The following NALF1 variants were observed in gnomAD, a reference collection of about 807,000 sequenced individuals.
NALF1 encodes family with sequence similarity 155 member A.
NALF1 carries 3 observed loss-of-function variants against 48.4 expected under a neutral mutation model. The observed-to-expected ratio is 0.06, with a 90% confidence interval of 0.03 to 0.16. The LOEUF (loss-of-function observed/expected upper bound fraction) is 0.16. Among genes scored for constraint, NALF1 ranks in the 10% least tolerant of loss-of-function variants. The pLI is 1.00. For missense variants in NALF1, 526 were observed against 571.5 expected, an observed-to-expected ratio of 0.92 and a Z score of 0.81; for synonymous variants, 262 against 245.7, an observed-to-expected ratio of 1.07 and a Z score of -0.62.
intron 1 of NALF1, among the ~76,000 whole-genome samples, chr13:107,616,894 G>C (rs565425756): frequency 6.6e-6 from 1 of 152,136 alleles, no homozygotes; most frequent in Non-Finnish European, 1.5e-5. Flanking sequence ...TCTGTGGATT[G>C]AAATGCAGAA....
At chr13:107,781,682 T>C (rs1386336956) in intron 1 of NALF1, among the ~76,000 whole-genome samples, 1 of 151,848 alleles carries the variant, frequency 6.6e-6, no homozygotes, top group Admixed American at 6.6e-5. Context: ...CCTCAGGATC[T>C]CTTCTTTGCA....
At chr13:107,613,827 T>G (rs1420145779) in intron 1 of NALF1, among the ~76,000 whole-genome samples, 1 of 152,230 alleles carries the variant, frequency 6.6e-6, no homozygotes, top group Non-Finnish European at 1.5e-5. Context: ...TTTATCCTAT[T>G]TCTTATTGGG....
rs368802558 is a variant in NALF1, at chr13:107,168,611, CAAAG to C, written c.*1882_*1885del. ...CAGTCTCAACAAAACACTATTAAAA[CAAAG>C]AATCTAGTAAAATATTGTGCATGTA... On this transcript the variant is annotated 3_prime_UTR_variant, in exon 3 of 3. Transcript: ENST00000375915. 3.9e-3 allele frequency: 595 copies of C among 152,158 alleles called. 4 individuals are homozygous for C. Among genetic ancestry groups the C allele is most frequent in the African/African-American group, 0.013 (558 of 41,466 alleles). The allele number at this position is 152,158 out of a possible 1,614,324, so 9.4% of individuals were successfully genotyped here. A position where few individuals can be genotyped will look rare whatever the true frequency, so the allele number is the denominator to read the frequency against.
chr13:107,772,926 G>A (rs1190002450), intron 1 of NALF1, among the ~76,000 whole-genome samples: 2 of 152,112 alleles, frequency 1.3e-5, no homozygotes, highest in Non-Finnish European at 2.9e-5. Context: ...TGTTTAAATT[G>A]TATGCAATGT....
chr13:107,232,161 G>A (rs16969897), intron 1 of NALF1, among the ~76,000 whole-genome samples: 5,592 of 152,262 alleles, frequency 0.037, 158 homozygotes, highest in South Asian at 0.079. Flanking sequence ...TCGCCATTAC[G>A]TAAGCGCTCT....
chr13:107,194,004 TATCTTATCTATCTATCTATCTATCTATC>T (rs1879335178), intron 2 of NALF1, among the ~76,000 whole-genome samples: 1 of 142,084 alleles, frequency 7.0e-6, no homozygotes, highest in African/African-American at 2.6e-5. Flanking sequence ...TATACCTATC[TATCTTATCTATCTATCTATCTATCTATC>T]TATCTATCTA....
intron 1 of NALF1, among the ~76,000 whole-genome samples, chr13:107,488,030 C>T (rs77407980): frequency 0.051 from 7,777 of 151,636 alleles, 233 homozygotes; most frequent in South Asian, 0.07. Context: ...CTATCAAATT[C>T]TTATAGATTT....
intron 1 of NALF1, among the ~76,000 whole-genome samples, chr13:107,817,841 T>C (rs1331636783): frequency 2.1e-5 from 2 of 95,924 alleles, no homozygotes; most frequent in Admixed American, 1.3e-4. Context: ...CCTTGCAATC[T>C]GGCTTCCATT....
intron 1 of NALF1, among the ~76,000 whole-genome samples, chr13:107,710,790 CAT>C (rs1491407710): frequency 2.2e-5 from 3 of 137,916 alleles, no homozygotes; most frequent in African/African-American, 8.1e-5. Context: ...TGTATATACA[CAT>C]ATATGTATAT....
chr13:107,602,115 G>C (rs1878946978), intron 1 of NALF1, among the ~76,000 whole-genome samples: 1 of 152,120 alleles, frequency 6.6e-6, no homozygotes, highest in South Asian at 2.1e-4. Context: ...TTTTCAATCA[G>C]AAGATCTATG....
chr13:107,614,756 CT>C (rs1215449676), intron 1 of NALF1, among the ~76,000 whole-genome samples: 2 of 150,708 alleles, frequency 1.3e-5, no homozygotes, highest in Non-Finnish European at 3.0e-5. Flanking sequence ...TCCTGCATCT[CT>C]TTTTTTCTTT....
In NALF1 at chr13:107,553,184, C is replaced by A. The variant is rs2181649; in HGVS notation, c.915+312498G>T. On this transcript the variant is annotated intron_variant, in intron 1 of 2. Coordinates refer to ENST00000375915, the MANE Select transcript of NALF1 (RefSeq NM_001080396.3). ...TTTAAAGATAAGTGGTGTTTCCTGGCTTATAAAATTTAGAAACGCATTGCT... is the reference window on the plus strand; with the variant it reads ...TTTAAAGATAAGTGGTGTTTCCTGGATTATAAAATTTAGAAACGCATTGCT... Among the ~76,000 whole-genome samples, 866 of 152,238 alleles carry A rather than the reference C, an allele frequency of 5.7e-3. 10 individuals carry two copies. Among genetic ancestry groups the A allele is most frequent in the African/African-American group, 0.02 (832 of 41,546 alleles).
chr13:107,285,174 T>C (rs1173514270), intron 1 of NALF1, among the ~76,000 whole-genome samples: 3 of 152,196 alleles, frequency 2.0e-5, no homozygotes, highest in Non-Finnish European at 4.4e-5. Context: ...AGGTAAAATA[T>C]AAGAGAAACC....
intron 1 of NALF1, among the ~76,000 whole-genome samples, chr13:107,295,798 G>A (rs1881713972): frequency 6.6e-6 from 1 of 151,986 alleles, no homozygotes; most frequent in South Asian, 2.1e-4. Flanking sequence ...AAAACCCTAT[G>A]GGCATAAAAT....
chr13:107,724,588 G>T (rs1338971905), intron 1 of NALF1, among the ~76,000 whole-genome samples: 1 of 151,080 alleles, frequency 6.6e-6, no homozygotes, highest in Non-Finnish European at 1.5e-5. Flanking sequence ...TTGAGACAGG[G>T]TCTCACTCTG....
At chr13:107,569,668 G>A (rs1877928356) in intron 1 of NALF1, among the ~76,000 whole-genome samples, 1 of 152,122 alleles carries the variant, frequency 6.6e-6, no homozygotes, top group African/African-American at 2.4e-5. Flanking sequence ...ACATCAGGAA[G>A]AGTGATTCTT....
intron 1 of NALF1, among the ~76,000 whole-genome samples, chr13:107,721,109 T>TAC (rs66578211): frequency 0.014 from 2,036 of 143,908 alleles, 27 homozygotes; most frequent in African/African-American, 0.038. Flanking sequence ...CAGATCTCAA[T>TAC]ACACACACAC....
At chr13:107,385,836 A>AGTTTAAACTCAG (rs1883521730) in intron 1 of NALF1, among the ~76,000 whole-genome samples, 1 of 152,122 alleles carries the variant, frequency 6.6e-6, no homozygotes, top group Non-Finnish European at 1.5e-5. Context: ...ATTTTTAAAC[A>AGTTTAAACTCAG]TTTTTTTCTC....
At chr13:107,813,492 T>A (rs1879061368) in intron 1 of NALF1, among the ~76,000 whole-genome samples, 1 of 152,200 alleles carries the variant, frequency 6.6e-6, no homozygotes, top group Admixed American at 6.5e-5. Flanking sequence ...TTTGTGTGTT[T>A]TCCCATTTTC....
Sources: allele counts gnomAD v4.1 joint callset (sites outside exome capture counted in the v4.1 genomes callset), GRCh38; gene constraint gnomAD v4.1.1; transcripts MANE v1.5; gene names NCBI Gene and HGNC (gene_info 2026-07-23, HGNC 2026-07-21).